KCNJ6: variants seen among roughly 807,000 people sequenced by gnomAD.
KCNJ6 encodes the protein G protein-activated inward rectifier potassium channel 2.
KCNJ6 carries 9 observed loss-of-function variants against 34.2 expected under a neutral mutation model. The observed-to-expected ratio is 0.26, with a 90% CI of 0.16 to 0.46. The LOEUF (loss-of-function observed/expected upper bound fraction) is 0.46, where lower values mean the gene tolerates loss of function less well. Among genes scored for constraint, KCNJ6 ranks in the 20% least tolerant of loss-of-function variants. The pLI, the probability that KCNJ6 is intolerant of heterozygous loss-of-function variation, is 1.00. For missense variants in KCNJ6, 236 were observed against 531.3 expected (o/e 0.44, Z 5.46); for synonymous variants, 196 against 207.1 (o/e 0.95, Z 0.46).
Position 37,742,704 on chromosome 21 carries a change from C to G in KCNJ6, c.26-27573G>C, listed in dbSNP as rs575867861. 5.9e-4 allele frequency among the ~76,000 whole-genome samples: 90 copies of G among 152,296 alleles called. 1 individual carries two copies. The highest frequency in any genetic ancestry group is 2.1e-3 in the African/African-American group (88 of 41,560). On this transcript the variant is annotated intron_variant, in intron 2 of 3. Coordinates refer to ENST00000609713, the MANE Select transcript of KCNJ6 (RefSeq NM_002240.5). ...CAGTCACCATATCTAGATCACTGTT[C>G]CAGTCTTGCCAACATCCACTTCATT... is the stretch of plus-strand genomic sequence containing the variant.
At chr21:37,750,864 A>G (rs2054991977) in intron 2 of KCNJ6, among the ~76,000 whole-genome samples, 2 of 152,232 alleles carry the variant, frequency 1.3e-5, no homozygotes, top group South Asian at 4.1e-4. Context: ...GGTATCCCAC[A>G]ACTTAAAGTA....
intron 2 of KCNJ6, among the ~76,000 whole-genome samples, chr21:37,838,359 T>C (rs903834787): frequency 3.3e-5 from 5 of 152,216 alleles, no homozygotes; most frequent in African/African-American, 1.2e-4. Context: ...ACCCTTCCAA[T>C]TCAGTCAGGT....
At chr21:37,628,461 T>C (rs2054320341) in intron 3 of KCNJ6, among the ~76,000 whole-genome samples, 1 of 152,140 alleles carries the variant, frequency 6.6e-6, no homozygotes, top group Non-Finnish European at 1.5e-5. Flanking sequence ...TCAGTGAGCC[T>C]GAATATAGGT....
At chr21:37,745,072 GTT>G (rs58661633) in intron 2 of KCNJ6, among the ~76,000 whole-genome samples, 23 of 89,448 alleles carry the variant, frequency 2.6e-4, no homozygotes, top group African/African-American at 1.1e-3. Context: ...AACGTTGCTG[GTT>G]TTTTTTTTTT....
intron 3 of KCNJ6, among the ~76,000 whole-genome samples, chr21:37,645,696 C>T (rs1167997543): frequency 6.6e-6 from 1 of 152,144 alleles, no homozygotes; most frequent in Non-Finnish European, 1.5e-5. Flanking sequence ...GACCCTGGAA[C>T]GGGTGAGCAC....
At chr21:37,725,196 C>A (rs776545043) in intron 2 of KCNJ6, among the ~76,000 whole-genome samples, 1 of 152,082 alleles carries the variant, frequency 6.6e-6, no homozygotes, top group Non-Finnish European at 1.5e-5. Context: ...AGTTCCAGAC[C>A]AACCTGGCCA....
chr21:37,823,961 T>C (rs2055386763), intron 2 of KCNJ6, among the ~76,000 whole-genome samples: 1 of 152,306 alleles, frequency 6.6e-6, no homozygotes, highest in Non-Finnish European at 1.5e-5. Flanking sequence ...ATCTTAAATA[T>C]TATCACCACA....
intron 3 of KCNJ6, among the ~76,000 whole-genome samples, chr21:37,663,077 A>G (rs2054497373): frequency 6.6e-6 from 1 of 152,192 alleles, no homozygotes; most frequent in Non-Finnish European, 1.5e-5. Context: ...ATATTAGGAT[A>G]AAATTCTGTA....
intron 3 of KCNJ6, among the ~76,000 whole-genome samples, chr21:37,669,302 C>T (rs928840290): frequency 5.9e-5 from 9 of 152,174 alleles, no homozygotes; most frequent in African/African-American, 1.7e-4. Context: ...CTCCCTAAAA[C>T]GTATATGACC....
chr21:37,673,023 TAA>T (rs1357148467), intron 3 of KCNJ6, among the ~76,000 whole-genome samples: 1 of 152,238 alleles, frequency 6.6e-6, no homozygotes, highest in Non-Finnish European at 1.5e-5. Context: ...GTAAATGCTA[TAA>T]AAGTCTCCTT....
At chr21:37,746,962 T>C (rs928378280) in intron 2 of KCNJ6, among the ~76,000 whole-genome samples, 2 of 152,226 alleles carry the variant, frequency 1.3e-5, no homozygotes, top group Admixed American at 1.3e-4. Flanking sequence ...TATTCGCTGA[T>C]ATTTTTGCTG....
intron 2 of KCNJ6, among the ~76,000 whole-genome samples, chr21:37,758,031 G>C (rs1389045669): frequency 6.6e-6 from 1 of 152,226 alleles, no homozygotes; most frequent in Non-Finnish European, 1.5e-5. Flanking sequence ...TGGGTGGGTT[G>C]AGGGTGTGGG....
intron 1 of KCNJ6, among the ~76,000 whole-genome samples, chr21:37,874,216 G>A (rs774817060): frequency 4.6e-5 from 7 of 152,278 alleles, no homozygotes; most frequent in South Asian, 2.1e-4. Flanking sequence ...CCCATCAGCC[G>A]CAGGCCACAC....
At chr21:37,708,432 A>G (rs2054732577) in intron 3 of KCNJ6, among the ~76,000 whole-genome samples, 1 of 152,200 alleles carries the variant, frequency 6.6e-6, no homozygotes, top group Non-Finnish European at 1.5e-5. Context: ...AGCCAATGAT[A>G]CTACTGGGAT....
intron 3 of KCNJ6, among the ~76,000 whole-genome samples, chr21:37,681,920 T>C (rs1948271287): frequency 1.3e-5 from 2 of 152,220 alleles, no homozygotes; most frequent in Admixed American, 6.5e-5. Flanking sequence ...CTGGTCTCAG[T>C]TGGTTGCTGA....
intron 2 of KCNJ6, among the ~76,000 whole-genome samples, chr21:37,784,162 A>G (rs987844362): frequency 3.9e-5 from 6 of 152,080 alleles, no homozygotes; most frequent in African/African-American, 1.4e-4. Flanking sequence ...GTGGTCTCTC[A>G]TGCTCCCATC....
At chr21:37,715,172 G>A in intron 2 of KCNJ6, 41 bp from the exon 3 acceptor site, 1 of 1,537,688 alleles carries the variant, frequency 6.5e-7, no homozygotes, top group South Asian at 1.2e-5. Flanking sequence ...TGAATGAAAG[G>A]CTGGCTCTTT....
intron 1 of KCNJ6, among the ~76,000 whole-genome samples, chr21:37,844,402 T>C (rs1273579066): frequency 6.6e-6 from 1 of 152,082 alleles, no homozygotes; most frequent in Non-Finnish European, 1.5e-5. Flanking sequence ...GCACTCTACT[T>C]AGGAGACTAT....
intron 1 of KCNJ6, among the ~76,000 whole-genome samples, chr21:37,867,752 AAT>A (rs1239457886): frequency 6.6e-6 from 1 of 152,242 alleles, no homozygotes; most frequent in African/African-American, 2.4e-5. Context: ...TTACACGGTA[AAT>A]ATATTACCAC....
Sources: allele counts gnomAD v4.1 joint callset (sites outside exome capture counted in the v4.1 genomes callset), GRCh38; gene constraint gnomAD v4.1.1; transcripts MANE v1.5; gene names NCBI Gene and HGNC (gene_info 2026-07-23, HGNC 2026-07-21).